The following PSPC1 variants were observed in gnomAD, a reference collection of about 807,000 sequenced individuals.
PSPC1 encodes paraspeckle protein 1.
Under a neutral mutation model 51.6 loss-of-function variants are expected in PSPC1, and 14 were observed. The ratio of observed to expected loss-of-function variants is 0.27; its 90% CI spans 0.18 to 0.42. PSPC1 has a LOEUF of 0.42. Ranked by LOEUF, PSPC1 falls within the 10% of genes least tolerant of loss-of-function variation. PSPC1 has a pLI of 1.00. For synonymous variants in PSPC1, 193 were observed against 231.9 expected (o/e 0.83, Z 1.53); for missense variants, 406 against 701.1 (o/e 0.58, Z 4.75).
rs183324708 is a variant in PSPC1, at chr13:19,766,617, C to T, written c.674+5625G>A. On this transcript the variant is annotated intron_variant, in intron 2 of 8. Transcript: ENST00000338910. ...GGAGGATCATGTGAGCCTGAGGAGG[C>T]TGAGGGCATAGTGACCTATGATCGC... 3.9e-5 allele frequency among the ~76,000 whole-genome samples: 6 copies of T among 152,086 alleles called. No individual in the cohort carries two copies. The East Asian group carries it at 1.2e-3, about 29-fold the overall frequency.
rs779618459 is a variant in PSPC1, at chr13:19,751,389, A to T, written c.849T>A (p.Asp283Glu). Reference protein sequence around the residue: ...FEYASRWKALDEMEKQQREQV... With the variant: ...FEYASRWKALEEMEKQQREQV... ...GCTCACGCTGCTGCTTTTCCATTTC[A>T]TCAAGAGCCTTCCATCGAGATGCAT... The change falls in exon 4 of 9, where the codon GAT becomes GAA. Residue 283 changes from aspartate (D) to glutamate (E), a missense_variant. Coordinates refer to ENST00000338910, the MANE Select transcript of PSPC1 (RefSeq NM_001354909.2). The T allele has an allele frequency of 7.5e-6, 12 of 1,593,900 alleles. No individual in the cohort carries two copies. Among genetic ancestry groups the T allele is most frequent in the Non-Finnish European group, 1.0e-5 (12 of 1,172,888 alleles).
intron 6 of PSPC1, among the ~76,000 whole-genome samples, chr13:19,720,303 G>A (rs966333728): frequency 4.6e-5 from 7 of 152,156 alleles, no homozygotes; most frequent in African/African-American, 1.7e-4. Context: ...TAACTGGCCA[G>A]GTCAAGGTAT....
chr13:19,720,161 C>T (rs1413038), intron 6 of PSPC1, among the ~76,000 whole-genome samples: 139,388 of 152,224 alleles, frequency 0.92, 65,046 homozygotes, highest in Non-Finnish European at 1. Flanking sequence ...AGCAAGGATA[C>T]CAGCTGTAAG....
At chr13:19,745,595 G>C (rs910219210) in intron 4 of PSPC1, among the ~76,000 whole-genome samples, 39 of 151,078 alleles carry the variant, frequency 2.6e-4, no homozygotes, top group African/African-American at 9.2e-4. Flanking sequence ...CCGCTGATCT[G>C]TCCAGATTTA....
chr13:19,755,520 G>A (rs775790772), intron 3 of PSPC1, among the ~76,000 whole-genome samples: 3 of 151,780 alleles, frequency 2.0e-5, no homozygotes, highest in East Asian at 1.9e-4. Context: ...CCTGGGAGGC[G>A]GAGGTTGTGG....
At chr13:19,703,762 G>T (rs1039656030) in intron 8 of PSPC1, among the ~76,000 whole-genome samples, 1 of 151,986 alleles carries the variant, frequency 6.6e-6, no homozygotes, top group African/African-American at 2.4e-5. Context: ...AAACTGGGGA[G>T]CAGCATCAAT....
chr13:19,781,990 A>C (rs1415771720), intron 1 of PSPC1, among the ~76,000 whole-genome samples: 2 of 152,174 alleles, frequency 1.3e-5, no homozygotes, highest in Non-Finnish European at 2.9e-5. Context: ...TTTGCCTTGA[A>C]GAATTCTCAC....
At chr13:19,773,153 C>G (rs982139000) in intron 1 of PSPC1, among the ~76,000 whole-genome samples, 6 of 151,866 alleles carry the variant, frequency 4.0e-5, no homozygotes, top group Non-Finnish European at 8.8e-5. Flanking sequence ...GAGCAAGACT[C>G]TGTCTCGGAA....
intron 5 of PSPC1, among the ~76,000 whole-genome samples, chr13:19,730,977 A>C (rs1409558815): frequency 7.0e-5 from 10 of 142,886 alleles, no homozygotes; most frequent in Non-Finnish European, 1.6e-4. Context: ...AAAAAAAAAA[A>C]AACAGAAAAA....
In PSPC1 at chr13:19,693,383, A is replaced by G. The variant is rs1878793253; in HGVS notation, c.1159-15560T>C. On this transcript the variant is annotated intron_variant and NMD_transcript_variant, in intron 6 of 7. Transcript: ENST00000471658. Reference sequence around the variant, plus strand: ...CAACTCTACATATACCCATTAAACTACAAAAGGACCATATTTTGTTCATTT... The same window carrying G: ...CAACTCTACATATACCCATTAAACTGCAAAAGGACCATATTTTGTTCATTT... Among the ~76,000 whole-genome samples, 2 of 152,206 alleles carry G rather than the reference A, an allele frequency of 1.3e-5. 1 individual carries two copies. Among genetic ancestry groups the G allele is most frequent in the South Asian group, 4.1e-4 (2 of 4,828 alleles).
chr13:19,732,035 T>C (rs929311279), intron 5 of PSPC1, among the ~76,000 whole-genome samples: 1 of 152,240 alleles, frequency 6.6e-6, no homozygotes, highest in Non-Finnish European at 1.5e-5. Context: ...ACCTTGTTCT[T>C]GTTTGTTGCA....
chr13:19,722,883 G>A (rs921226902), intron 6 of PSPC1, among the ~76,000 whole-genome samples: 1 of 152,150 alleles, frequency 6.6e-6, no homozygotes, highest in Non-Finnish European at 1.5e-5. Context: ...GCCAAGGCAG[G>A]TGGATCACTT....
rs1239893044 is a variant in PSPC1 at position 19,782,369 on chromosome 13, G to A, written c.372+17C>T. The A allele has an allele frequency of 2.2e-5, 34 of 1,562,736 alleles. No individual in the cohort carries two copies. Among genetic ancestry groups the A allele is most frequent in the Non-Finnish European group, 2.9e-5 (33 of 1,154,896 alleles). On this transcript the variant is annotated intron_variant, in intron 1 of 8. Transcript: ENST00000338910. The surrounding 1 kb of genome is among the most constrained non-coding windows in gnomAD (Gnocchi z 4.5). ...CGACAGTCCTTTTGTTCCCTCGCGCGGGCGCCTGACACTCACCAAGCGGAT... is the reference window on the plus strand; with the variant it reads ...CGACAGTCCTTTTGTTCCCTCGCGCAGGCGCCTGACACTCACCAAGCGGAT...
At chr13:19,731,274 T>A (rs1187148579) in intron 5 of PSPC1, among the ~76,000 whole-genome samples, 1 of 152,196 alleles carries the variant, frequency 6.6e-6, no homozygotes, top group African/African-American at 2.4e-5. Flanking sequence ...ATAGTAATAT[T>A]GAAGTAACAG....
At chr13:19,748,450 C>A (rs2138100257) in intron 4 of PSPC1, among the ~76,000 whole-genome samples, 1 of 152,208 alleles carries the variant, frequency 6.6e-6, no homozygotes, top group South Asian at 2.1e-4. Flanking sequence ...TTTAAATGAA[C>A]ACACACGATA....
chr13:19,688,960 CT>C lies in PSPC1; in HGVS notation c.1159-11138del, dbSNP rs753925911. ...GTTACTTTTAATGGTGTGATAAACT[CT>C]TAAAAAAAAAAAAAAAGGAAACTCA... On this transcript the variant is annotated intron_variant and NMD_transcript_variant, in intron 6 of 7. Transcript: ENST00000471658. 7.6e-3 allele frequency among the ~76,000 whole-genome samples: 1,085 copies of C among 142,356 alleles called. 13 individuals carry two copies. The highest frequency in any genetic ancestry group is 0.044 in the East Asian group (221 of 5,018). 93.4% of individuals were successfully genotyped at this position (142,356 alleles called of 152,430 possible). A position where few individuals can be genotyped will look rare whatever the true frequency, so the allele number is the denominator to read the frequency against.
At chr13:19,728,170 CTCTT>C (rs139379931) in intron 6 of PSPC1, among the ~76,000 whole-genome samples, 1,570 of 152,114 alleles carry the variant, frequency 0.01, 28 homozygotes, top group African/African-American at 0.036. Context: ...AGTGTTTTCA[CTCTT>C]TCTTTGTTAC....
chr13:19,718,091 T>G (rs1235467748), intron 6 of PSPC1, among the ~76,000 whole-genome samples: 4 of 152,196 alleles, frequency 2.6e-5, no homozygotes. Context: ...AATATACGTT[T>G]CTATTGATAC....
intron 2 of PSPC1, among the ~76,000 whole-genome samples, chr13:19,771,401 G>C (rs1888614470): frequency 6.6e-6 from 1 of 152,058 alleles, no homozygotes; most frequent in Non-Finnish European, 1.5e-5. Context: ...GCCTCCCAGA[G>C]TGCTGGGATT....
Sources: allele counts gnomAD v4.1 joint callset (sites outside exome capture counted in the v4.1 genomes callset), GRCh38; gene constraint gnomAD v4.1.1; non-coding constraint Gnocchi (gnomAD v3.1); transcripts MANE v1.5; gene names NCBI Gene and HGNC (gene_info 2026-07-23, HGNC 2026-07-21).